TSHZ2: variants seen among roughly 807,000 people sequenced by gnomAD.
TSHZ2 encodes the protein teashirt zinc finger homeobox 2.
A neutral mutation model predicts 74.4 loss-of-function variants in TSHZ2; 21 were observed. That is an observed-to-expected ratio of 0.28 (90% CI 0.20 to 0.41). The LOEUF (loss-of-function observed/expected upper bound fraction) is 0.41, where lower values mean the gene tolerates loss of function less well. Among genes scored for constraint, TSHZ2 ranks in the 10% least tolerant of loss-of-function variants. TSHZ2 has a pLI of 1.00. For missense variants in TSHZ2, 1,244 were observed against 1,293.5 expected (o/e 0.96, Z 0.59); for synonymous variants, 540 against 515.3 (o/e 1.05, Z -0.65).
intron 1 of TSHZ2, among the ~76,000 whole-genome samples, chr20:53,065,145 C>T (rs1031925280): frequency 6.6e-6 from 1 of 152,222 alleles, no homozygotes; most frequent in Non-Finnish European, 1.5e-5. Context: ...ATGCAACACA[C>T]AATACCTACT....
chr20:53,284,673 T>C (rs892596800), intron 2 of TSHZ2, among the ~76,000 whole-genome samples: 1 of 152,110 alleles, frequency 6.6e-6, no homozygotes, highest in African/African-American at 2.4e-5. Context: ...ATATTACTTT[T>C]AATTAGCAAA....
At chr20:53,361,978 G>A (rs1294342578) in intron 2 of TSHZ2, among the ~76,000 whole-genome samples, 3 of 151,110 alleles carry the variant, frequency 2.0e-5, no homozygotes, top group Non-Finnish European at 4.4e-5. Flanking sequence ...GTCGTGCGAT[G>A]GCGCCATCTC....
At chr20:53,028,589 T>C (rs182676891) in intron 1 of TSHZ2, among the ~76,000 whole-genome samples, 141 of 152,350 alleles carry the variant, frequency 9.3e-4, no homozygotes, top group African/African-American at 3.3e-3. Flanking sequence ...TCACTTTCAT[T>C]CAATGTCATG....
At chr20:53,481,901 C>T (rs1337262612) in intron 2 of TSHZ2, among the ~76,000 whole-genome samples, 1 of 151,942 alleles carries the variant, frequency 6.6e-6, no homozygotes. Flanking sequence ...GTCGGGAGAT[C>T]GAGACCAGCC....
At chr20:52,974,977 T>C (rs1981273937) in intron 1 of TSHZ2, among the ~76,000 whole-genome samples, 1 of 152,206 alleles carries the variant, frequency 6.6e-6, no homozygotes, top group Non-Finnish European at 1.5e-5. Context: ...TCAACTCTAG[T>C]TACTTCTTTG....
chr20:53,108,047 T>A (rs1986429785), intron 1 of TSHZ2, among the ~76,000 whole-genome samples: 1 of 152,232 alleles, frequency 6.6e-6, no homozygotes, highest in Non-Finnish European at 1.5e-5. Context: ...CTCTTCCCCA[T>A]GGGGAGCTTG....
At chr20:53,174,436 G>A (rs1359566691) in intron 1 of TSHZ2, among the ~76,000 whole-genome samples, 4 of 152,200 alleles carry the variant, frequency 2.6e-5, no homozygotes, top group African/African-American at 4.8e-5. Flanking sequence ...CATAGGCCAT[G>A]TCGAATAAGT....
At chr20:52,989,243 T>G (rs1371284836) in intron 1 of TSHZ2, among the ~76,000 whole-genome samples, 1 of 152,112 alleles carries the variant, frequency 6.6e-6, no homozygotes, top group Non-Finnish European at 1.5e-5. Context: ...ATTTATTTCC[T>G]TTTTAGTGGG....
chr20:53,382,418 G>C (rs188494571), intron 2 of TSHZ2, among the ~76,000 whole-genome samples: 2 of 152,120 alleles, frequency 1.3e-5, no homozygotes, highest in East Asian at 3.8e-4. Flanking sequence ...ACTATCTCCC[G>C]TCCAAACAAG....
chr20:53,192,562 G>GAAAA (rs35358292), intron 1 of TSHZ2, among the ~76,000 whole-genome samples: 2 of 127,276 alleles, frequency 1.6e-5, no homozygotes, highest in African/African-American at 2.8e-5. Context: ...TTAGTGTCTG[G>GAAAA]AAAAAAAAAA....
At chr20:53,332,473 C>A (rs1242409196) in intron 2 of TSHZ2, among the ~76,000 whole-genome samples, 1 of 152,050 alleles carries the variant, frequency 6.6e-6, no homozygotes, top group African/African-American at 2.4e-5. Context: ...GGCCCTGTGG[C>A]TTTTTAAGGA....
At chr20:53,442,698 A>G (rs1984385122) in intron 2 of TSHZ2, among the ~76,000 whole-genome samples, 1 of 152,200 alleles carries the variant, frequency 6.6e-6, no homozygotes, top group African/African-American at 2.4e-5. Context: ...CTAATTGGGC[A>G]TTCTAGAGTT....
intron 2 of TSHZ2, among the ~76,000 whole-genome samples, chr20:53,450,122 C>T (rs990848563): frequency 6.6e-6 from 1 of 152,164 alleles, no homozygotes; most frequent in Admixed American, 6.5e-5. Flanking sequence ...ACTGGCTATG[C>T]CTTACTCATT....
intron 2 of TSHZ2, among the ~76,000 whole-genome samples, chr20:53,406,199 G>A (rs59150449): frequency 0.093 from 14,050 of 151,744 alleles, 1,667 homozygotes; most frequent in African/African-American, 0.27. Flanking sequence ...TGATGTTTTG[G>A]AAGAAAAAGA....
chr20:53,471,714 G>A (rs954773616), intron 2 of TSHZ2, among the ~76,000 whole-genome samples: 4 of 151,946 alleles, frequency 2.6e-5, no homozygotes, highest in Non-Finnish European at 5.9e-5. Context: ...GAGGGACCCA[G>A]GTGAAGGCAG....
At chr20:53,368,950 C>A (rs1981371235) in intron 2 of TSHZ2, among the ~76,000 whole-genome samples, 1 of 152,114 alleles carries the variant, frequency 6.6e-6, no homozygotes, top group Non-Finnish European at 1.5e-5. Flanking sequence ...GTAAGAAGAG[C>A]CTGCATGAGG....
chr20:53,245,735 T>C (rs1990186439), intron 1 of TSHZ2, among the ~76,000 whole-genome samples: 1 of 152,210 alleles, frequency 6.6e-6, no homozygotes, highest in Non-Finnish European at 1.5e-5. Flanking sequence ...TTGAATAGTA[T>C]GGGTTTACAA....
At chr20:53,065,422 G>C (rs1407703099) in intron 1 of TSHZ2, among the ~76,000 whole-genome samples, 2 of 152,096 alleles carry the variant, frequency 1.3e-5, no homozygotes, top group Non-Finnish European at 2.9e-5. Flanking sequence ...AAAAGACAAG[G>C]GGTTGGAAAA....
intron 2 of TSHZ2, among the ~76,000 whole-genome samples, chr20:53,301,230 T>A (rs1991471831): frequency 6.6e-6 from 1 of 152,144 alleles, no homozygotes. Flanking sequence ...AGTGCTGGGA[T>A]AAAAGGCATG....
Sources: allele counts gnomAD v4.1 joint callset (sites outside exome capture counted in the v4.1 genomes callset), GRCh38; gene constraint gnomAD v4.1.1; transcripts MANE v1.5; gene names NCBI Gene and HGNC (gene_info 2026-07-23, HGNC 2026-07-21).